CTNND2: variants seen among roughly 807,000 people sequenced by gnomAD.
CTNND2 encodes catenin delta-2.
In CTNND2, 22 loss-of-function variants were observed where a neutral mutation model predicts 144.4. The observed-to-expected ratio is 0.15, with a 90% CI of 0.11 to 0.22. The LOEUF (loss-of-function observed/expected upper bound fraction) is 0.22, where lower values mean the gene tolerates loss of function less well. Among genes scored for constraint, CTNND2 ranks in the 10% least tolerant of loss-of-function variants. The probability of loss-of-function intolerance (pLI) is 1.00; values close to 1 mark genes in which losing one functional copy is unlikely to be tolerated. For missense variants in CTNND2, 1,353 were observed against 1,618.8 expected (o/e 0.84, Z 2.82); for synonymous variants, 751 against 695.6 (o/e 1.08, Z -1.25).
At chr5:11,610,220 T>C (rs536008930) in intron 2 of CTNND2, among the ~76,000 whole-genome samples, 1 of 152,284 alleles carries the variant, frequency 6.6e-6, no homozygotes, top group Admixed American at 6.5e-5. Flanking sequence ...CCTTCATAAA[T>C]GGATCCTAAG....
At chr5:11,635,468 G>A (rs775405681) in intron 2 of CTNND2, among the ~76,000 whole-genome samples, 10 of 152,104 alleles carry the variant, frequency 6.6e-5, no homozygotes, top group Non-Finnish European at 1.3e-4. Flanking sequence ...GATAAGACTC[G>A]AATGGATGAA....
chr5:11,283,220 T>C (rs542737897), intron 9 of CTNND2, among the ~76,000 whole-genome samples: 3 of 152,214 alleles, frequency 2.0e-5, no homozygotes, highest in African/African-American at 7.2e-5. Flanking sequence ...CAGACAAAAT[T>C]AAGATTTTTT....
chr5:11,878,777 T>G (rs1211146260), intron 1 of CTNND2, among the ~76,000 whole-genome samples: 1 of 152,132 alleles, frequency 6.6e-6, no homozygotes, highest in Admixed American at 6.5e-5. Flanking sequence ...ACACCATATT[T>G]CCTGAGACAC....
At chr5:11,074,068 C>A (rs1394568364) in intron 16 of CTNND2, among the ~76,000 whole-genome samples, 1 of 152,194 alleles carries the variant, frequency 6.6e-6, no homozygotes, top group African/African-American at 2.4e-5. Flanking sequence ...CTGGGTTGCA[C>A]TGGACTTTCC....
At chr5:11,306,056 A>G (rs1245947664) in intron 9 of CTNND2, among the ~76,000 whole-genome samples, 1 of 152,220 alleles carries the variant, frequency 6.6e-6, no homozygotes, top group African/African-American at 2.4e-5. Context: ...CTTAAATGTA[A>G]CAGGAAGACA....
At chr5:11,885,316 T>G (rs1736436916) in intron 1 of CTNND2, among the ~76,000 whole-genome samples, 1 of 152,162 alleles carries the variant, frequency 6.6e-6, no homozygotes, top group South Asian at 2.1e-4. Context: ...GACTTTCTAT[T>G]ACTGATTTAA....
At chr5:11,050,190 AC>A (rs1176022379) in intron 16 of CTNND2, among the ~76,000 whole-genome samples, 3 of 152,004 alleles carry the variant, frequency 2.0e-5, no homozygotes, top group African/African-American at 7.3e-5. Context: ...TTCTTTTTCC[AC>A]CCAGGTCTAT....
chr5:11,349,863 C>G (rs1388288846), intron 8 of CTNND2, among the ~76,000 whole-genome samples: 1 of 152,180 alleles, frequency 6.6e-6, no homozygotes, highest in African/African-American at 2.4e-5. Flanking sequence ...CTAATCTACA[C>G]TATTTCTCAT....
chr5:11,805,318 A>C (rs1791932077), intron 1 of CTNND2, among the ~76,000 whole-genome samples: 1 of 152,130 alleles, frequency 6.6e-6, no homozygotes, highest in Non-Finnish European at 1.5e-5. Context: ...ATACACTCAT[A>C]TATTTATTTG....
intron 1 of CTNND2, among the ~76,000 whole-genome samples, chr5:11,792,610 A>C (rs1444876154): frequency 6.6e-6 from 1 of 152,248 alleles, no homozygotes; most frequent in East Asian, 1.9e-4. Flanking sequence ...GAAGCACATC[A>C]AGGCCGATGA....
intron 1 of CTNND2, among the ~76,000 whole-genome samples, chr5:11,867,084 C>T (rs532971255): frequency 2.7e-4 from 41 of 152,322 alleles, no homozygotes; most frequent in African/African-American, 9.6e-4. Flanking sequence ...CACATTTTAA[C>T]GCTTTCTGGA....
At chr5:11,371,402 C>T (rs1296227652) in intron 7 of CTNND2, among the ~76,000 whole-genome samples, 2 of 152,180 alleles carry the variant, frequency 1.3e-5, no homozygotes, top group East Asian at 3.8e-4. Flanking sequence ...AATATTACAT[C>T]TTAGATCTGA....
chr5:11,323,422 T>A (rs78768115), intron 9 of CTNND2, among the ~76,000 whole-genome samples: 2,457 of 152,222 alleles, frequency 0.016, 32 homozygotes, highest in Non-Finnish European at 0.024. Flanking sequence ...AGTCACATGA[T>A]CTATGATGAT....
chr5:11,552,033 G>C (rs1382109374), intron 3 of CTNND2, among the ~76,000 whole-genome samples: 2 of 152,124 alleles, frequency 1.3e-5, no homozygotes, highest in African/African-American at 2.4e-5. Flanking sequence ...GCCTCCCAAT[G>C]TGCTGAACCC....
chr5:11,725,882 T>C (rs780071251), intron 2 of CTNND2, among the ~76,000 whole-genome samples: 6 of 152,240 alleles, frequency 3.9e-5, no homozygotes, highest in Non-Finnish European at 7.3e-5. Flanking sequence ...CTATTCCTAC[T>C]ATATCTGGTT....
At chr5:11,389,890 A>C (rs1759479374) in intron 6 of CTNND2, among the ~76,000 whole-genome samples, 1 of 152,238 alleles carries the variant, frequency 6.6e-6, no homozygotes, top group Admixed American at 6.5e-5. Context: ...AACATTATTT[A>C]AAATGTCATA....
At chr5:11,261,811 G>A (rs922871230) in intron 9 of CTNND2, among the ~76,000 whole-genome samples, 1 of 152,210 alleles carries the variant, frequency 6.6e-6, no homozygotes, top group African/African-American at 2.4e-5. Context: ...ATTTGTGAGT[G>A]AATGGGCCCA....
At chr5:11,752,928 C>G (rs1249225336) in intron 1 of CTNND2, among the ~76,000 whole-genome samples, 1 of 151,720 alleles carries the variant, frequency 6.6e-6, no homozygotes, top group Non-Finnish European at 1.5e-5. Flanking sequence ...GTATTTTGCA[C>G]TATTTGTGGC....
intron 1 of CTNND2, among the ~76,000 whole-genome samples, chr5:11,745,811 G>T (rs1403061654): frequency 1.3e-5 from 2 of 152,102 alleles, no homozygotes; most frequent in African/African-American, 4.8e-5. Flanking sequence ...TATTTGAGTG[G>T]ATCTCAGCAT....
Sources: gnomAD v4.1 joint callset for allele counts (sites outside exome capture counted in the v4.1 genomes callset) on GRCh38, gnomAD v4.1.1 for gene constraint, MANE v1.5 for transcripts, NCBI Gene and HGNC (gene_info 2026-07-23, HGNC 2026-07-21) for gene names.